PTPRD: variants seen among roughly 807,000 people sequenced by gnomAD.
PTPRD encodes protein tyrosine phosphatase receptor type D.
A neutral mutation model predicts 214.5 loss-of-function variants in PTPRD; 34 were observed. The ratio of observed to expected loss-of-function variants is 0.16; its 90% confidence interval spans 0.12 to 0.21. The LOEUF is 0.21. PTPRD is among the 10% of genes least tolerant of loss of function. The pLI is 1.00. For missense variants in PTPRD, 2,545 were observed against 2,398.7 expected (o/e 1.06, Z -1.27); for synonymous variants, 1,128 against 845.7 (o/e 1.33, Z -5.79).
chr9:9,344,175 C>T (rs146874129), intron 9 of PTPRD, among the ~76,000 whole-genome samples: 245 of 152,200 alleles, frequency 1.6e-3, no homozygotes, highest in African/African-American at 5.7e-3. Flanking sequence ...AAGTCCCTTG[C>T]AGGGCCATGG....
At chr9:9,188,012 C>G (rs1378691391) in intron 9 of PTPRD, among the ~76,000 whole-genome samples, 1 of 152,014 alleles carries the variant, frequency 6.6e-6, no homozygotes, top group African/African-American at 2.4e-5. Context: ...CCACCCACGT[C>G]AAGATATAGC....
intron 8 of PTPRD, among the ~76,000 whole-genome samples, chr9:9,475,566 T>G (rs918306170): frequency 6.6e-6 from 1 of 152,160 alleles, no homozygotes; most frequent in African/African-American, 2.4e-5. Context: ...GACTCAAAAC[T>G]CTCTTTTTTC....
At chr9:8,587,134 A>G (rs753762135) in intron 14 of PTPRD, among the ~76,000 whole-genome samples, 16 of 152,208 alleles carry the variant, frequency 1.1e-4, no homozygotes, top group Admixed American at 3.3e-4. Flanking sequence ...TGGGCGACAG[A>G]GCGAGACTCC....
chr9:10,541,133 C>G (rs542749813), intron 2 of PTPRD, among the ~76,000 whole-genome samples: 2 of 152,236 alleles, frequency 1.3e-5, no homozygotes, highest in East Asian at 3.9e-4. Flanking sequence ...TAAAACAGGA[C>G]TTAATTATAC....
intron 11 of PTPRD, among the ~76,000 whole-genome samples, chr9:8,849,188 T>G (rs2097765183): frequency 6.7e-6 from 1 of 149,126 alleles, no homozygotes; most frequent in South Asian, 2.2e-4. Context: ...TTTTTTTTTT[T>G]TTTTTGAGAC....
chr9:9,637,004 G>A (rs998093090), intron 7 of PTPRD, among the ~76,000 whole-genome samples: 3 of 152,028 alleles, frequency 2.0e-5, no homozygotes, highest in Non-Finnish European at 2.9e-5. Flanking sequence ...AAAAATAATC[G>A]AACTCCCTAC....
At chr9:9,110,062 T>A (rs984354422) in intron 10 of PTPRD, among the ~76,000 whole-genome samples, 4 of 152,070 alleles carry the variant, frequency 2.6e-5, no homozygotes, top group African/African-American at 9.7e-5. Flanking sequence ...CAGGAATGAC[T>A]TCATGGCTCC....
At chr9:9,126,358 C>T (rs1592052969) in intron 10 of PTPRD, among the ~76,000 whole-genome samples, 2 of 152,208 alleles carry the variant, frequency 1.3e-5, no homozygotes, top group East Asian at 3.9e-4. Context: ...TCCAATAGGC[C>T]ATAATATTTG....
chr9:9,224,009 A>T (rs1486067906), intron 9 of PTPRD, among the ~76,000 whole-genome samples: 1 of 152,038 alleles, frequency 6.6e-6, no homozygotes, highest in Non-Finnish European at 1.5e-5. Context: ...ATTTCTACTA[A>T]TCTGCTTACT....
At chr9:8,486,398 C>T (rs1299125766) in intron 27 of PTPRD, 49 bp from the exon 28 acceptor site, 5 of 1,463,022 alleles carry the variant, frequency 3.4e-6, no homozygotes, top group Admixed American at 3.3e-5. Context: ...TGAACGTTCA[C>T]ATTTCAGTCA....
intron 8 of PTPRD, among the ~76,000 whole-genome samples, chr9:9,504,227 T>C (rs1484751195): frequency 1.3e-5 from 2 of 151,802 alleles, no homozygotes; most frequent in African/African-American, 4.8e-5. Context: ...CTTTGGATTT[T>C]GTAGTACTTT....
chr9:8,493,436 C>A (rs1176295937), intron 26 of PTPRD, among the ~76,000 whole-genome samples: 1 of 152,280 alleles, frequency 6.6e-6, no homozygotes, highest in East Asian at 1.9e-4. Flanking sequence ...TTTATGCCAA[C>A]AGCTCTCCAC....
chr9:8,643,218 A>G (rs1296739919), intron 12 of PTPRD, among the ~76,000 whole-genome samples: 1 of 152,214 alleles, frequency 6.6e-6, no homozygotes, highest in African/African-American at 2.4e-5. Flanking sequence ...CTGCTCCTTG[A>G]GTTCCATGCA....
At chr9:9,012,227 T>G (rs2099514768) in intron 11 of PTPRD, among the ~76,000 whole-genome samples, 1 of 152,116 alleles carries the variant, frequency 6.6e-6, no homozygotes, top group South Asian at 2.1e-4. Context: ...TGGAAGAGAA[T>G]CCATCACCAG....
At chr9:8,636,003 G>A (rs1246750779) in intron 13 of PTPRD, among the ~76,000 whole-genome samples, 3 of 152,180 alleles carry the variant, frequency 2.0e-5, no homozygotes, top group South Asian at 2.1e-4. Flanking sequence ...CAACTTCTTC[G>A]ATAGGTTTCT....
chr9:8,669,033 G>A (rs936429836), intron 12 of PTPRD, among the ~76,000 whole-genome samples: 1 of 152,040 alleles, frequency 6.6e-6, no homozygotes, highest in Non-Finnish European at 1.5e-5. Flanking sequence ...GGAGTTCAGC[G>A]GAGAGAGAGA....
At position 8,779,771 on chromosome 9, in the gene PTPRD, C is replaced by T. The variant is rs569550630; in HGVS notation, c.-103-45825G>A. ...TGTGAATGCTGCAGTCAGCAGGGCC[C>T]AAGAAGGCATATTTGCTCACACATT... On this transcript the variant is annotated intron_variant, in intron 11 of 45. Transcript: ENST00000381196. 4.6e-5 allele frequency among the ~76,000 whole-genome samples: 7 copies of T among 151,070 alleles called. No individual in the cohort carries two copies. The South Asian group carries it at 1.3e-3, about 27-fold the overall frequency.
chr9:9,036,757 T>C (rs1382475864), intron 10 of PTPRD, among the ~76,000 whole-genome samples: 1 of 152,166 alleles, frequency 6.6e-6, no homozygotes, highest in Non-Finnish European at 1.5e-5. Context: ...CCTCCTCTCC[T>C]GTTTGTCCCC....
At chr9:10,113,413 T>C (rs1359442477) in intron 3 of PTPRD, among the ~76,000 whole-genome samples, 1 of 152,202 alleles carries the variant, frequency 6.6e-6, no homozygotes, top group Non-Finnish European at 1.5e-5. Context: ...TCTGCACAGA[T>C]ACAGATGAGT....
Sources: gnomAD v4.1 joint callset for allele counts (sites outside exome capture counted in the v4.1 genomes callset) on GRCh38, gnomAD v4.1.1 for gene constraint, MANE v1.5 for transcripts, NCBI Gene and HGNC (gene_info 2026-07-23, HGNC 2026-07-21) for gene names.